NCKAP5L: variants seen among roughly 807,000 people sequenced by gnomAD.
NCKAP5L encodes the protein NCK associated protein 5 like.
NCKAP5L carries 54 observed loss-of-function variants against 103.2 expected under a neutral mutation model. The observed-to-expected ratio is 0.52, with a 90% confidence interval of 0.42 to 0.66. The LOEUF (loss-of-function observed/expected upper bound fraction) is 0.66. NCKAP5L is among the 30% of genes least tolerant of loss of function. NCKAP5L has a pLI of 0.00. For missense variants in NCKAP5L, 1,733 were observed against 1,750.6 expected (o/e 0.99, Z 0.18); for synonymous variants, 762 against 748.6 (o/e 1.02, Z -0.29).
intron 10 of NCKAP5L, among the ~76,000 whole-genome samples, 165 bp downstream of exon 10, chr12:49,793,187 G>A (rs928774618): frequency 1.1e-4 from 16 of 152,208 alleles, no homozygotes; most frequent in African/African-American, 3.9e-4. Flanking sequence ...TACCCTGAGG[G>A]CAGGGAAGGA....
intron 1 of NCKAP5L, among the ~76,000 whole-genome samples, chr12:49,818,023 G>A (rs556540944): frequency 1.3e-5 from 2 of 152,122 alleles, no homozygotes; most frequent in Admixed American, 1.3e-4. Context: ...CAGCTACTTG[G>A]GAGGCAGAGG....
chr12:49,804,932 T>A (rs1946163189), intron 2 of NCKAP5L: 1 of 152,294 alleles, frequency 6.6e-6, no homozygotes, highest in Admixed American at 6.5e-5. Flanking sequence ...AAGGTCCCGA[T>A]CCCTGGGCCT....
chr12:49,824,667 C>G (rs1946397206), intron 1 of NCKAP5L, among the ~76,000 whole-genome samples: 1 of 152,224 alleles, frequency 6.6e-6, no homozygotes, highest in Non-Finnish European at 1.5e-5. Flanking sequence ...AAGATGGAGG[C>G]ATTGCATATG....
intron 1 of NCKAP5L, among the ~76,000 whole-genome samples, chr12:49,818,870 C>T (rs1946329645): frequency 6.6e-6 from 1 of 151,966 alleles, no homozygotes; most frequent in Admixed American, 6.6e-5. Context: ...ATTAGTATAG[C>T]CACTATGGTA....
chr12:49,807,753 G>A (rs1305547544), intron 1 of NCKAP5L, among the ~76,000 whole-genome samples: 2 of 152,154 alleles, frequency 1.3e-5, no homozygotes, highest in African/African-American at 4.8e-5. Context: ...CACAACTCTG[G>A]TCTCTGGGCC....
At chr12:49,810,115 C>G (rs556563350) in intron 1 of NCKAP5L, among the ~76,000 whole-genome samples, 5 of 150,578 alleles carry the variant, frequency 3.3e-5, no homozygotes. Flanking sequence ...TCTCCCCTCC[C>G]TCAGAGCCCT....
chr12:49,798,028 C>T (rs1946077664), intron 7 of NCKAP5L, among the ~76,000 whole-genome samples: 1 of 152,168 alleles, frequency 6.6e-6, no homozygotes, highest in African/African-American at 2.4e-5. Context: ...TATTTGAGCT[C>T]TAAGCTGCTT....
rs752134695 is a variant in NCKAP5L, at chr12:49,796,854, C to G, written c.1006G>C (p.Glu336Gln). 25 of 1,612,818 alleles carry G rather than the reference C, an allele frequency of 1.6e-5. No homozygotes were observed. Among genetic ancestry groups the G allele is most frequent in the Non-Finnish European group, 2.1e-5 (25 of 1,179,752 alleles). ...GCCAGGAAGGCCTGTAGGTAAGACTCTGTGTCCTCAAGGAGCTGGCCCAGG... is the reference window on the plus strand; with the variant it reads ...GCCAGGAAGGCCTGTAGGTAAGACTGTGTGTCCTCAAGGAGCTGGCCCAGG... ...LNLGQLLEDT[E>Q]SYLQAFLAGA... Residue 336 changes from glutamate to glutamine, a missense_variant, in exon 8 of 13, where the codon GAG (glutamate) becomes CAG (glutamine). Transcript: ENST00000335999.
At chr12:49,802,058 G>A in intron 5 of NCKAP5L, 91 bp from the exon 6 acceptor site, 1 of 1,505,150 alleles carries the variant, frequency 6.6e-7, no homozygotes, top group Non-Finnish European at 9.0e-7. Context: ...GCATCTGTCT[G>A]GAGGCCCCAG....
chr12:49,798,258 G>C (rs1946080011), intron 7 of NCKAP5L, 92 bp downstream of exon 7: 2 of 1,218,868 alleles, frequency 1.6e-6, no homozygotes, highest in African/African-American at 1.5e-5. Context: ...TTCCAGCCTG[G>C]ACAAACGTCT....
intron 1 of NCKAP5L, among the ~76,000 whole-genome samples, chr12:49,820,880 CGTGACCCTAG>C (rs1395057677): frequency 1.3e-5 from 2 of 152,188 alleles, no homozygotes; most frequent in East Asian, 3.9e-4. Context: ...AGCCAAACCG[CGTGACCCTAG>C]GTGAAGCTGG....
At position 49,791,260 on chromosome 12, in the gene NCKAP5L, G is replaced by A. The variant is rs73309054; in HGVS notation, c.*579C>T. 7,804 of 153,564 alleles carry A rather than the reference G, an allele frequency of 0.051. 393 individuals carry two copies. The highest frequency in any genetic ancestry group is 0.13 in the African/African-American group (5,240 of 41,542). The allele number at this position is 153,564 out of a possible 1,614,324, so 9.5% of individuals were successfully genotyped here. A position where few individuals can be genotyped will look rare whatever the true frequency, so the allele number is the denominator to read the frequency against. On this transcript the variant is annotated 3_prime_UTR_variant, in exon 13 of 13. Coordinates refer to ENST00000335999, the MANE Select transcript of NCKAP5L (RefSeq NM_001037806.4). ...ACCGCAGTGCGGGGCTGGGGGCTGGGGGCTGGGCCAGGCGCTTCAATATAT... is the reference window on the plus strand; with the variant it reads ...ACCGCAGTGCGGGGCTGGGGGCTGGAGGCTGGGCCAGGCGCTTCAATATAT...
At position 49,794,773 on chromosome 12, in the gene NCKAP5L, CA is replaced by C. The variant is rs1807579351; in HGVS notation, c.3086del (p.Leu1029ArgfsTer2). 1 of 1,519,608 alleles carries C rather than the reference CA, an allele frequency of 6.6e-7. No homozygotes were observed. The allele number at this position is 1,519,608 out of a possible 1,614,324, so 94.1% of individuals were successfully genotyped here. On this transcript the variant is annotated frameshift_variant, in exon 8 of 13. Transcript: ENST00000335999. LOFTEE classifies it high-confidence loss of function. ...YQGADTFMQQ[L>X]LNRVDGKELP... Reference sequence around the variant, plus strand: ...TGATCCCAGGACCTCACCTGTTTAGCAGCTGCTGCATGAAGGTGTCTGCACC... The same window carrying C: ...TGATCCCAGGACCTCACCTGTTTAGCGCTGCTGCATGAAGGTGTCTGCACC...
At chr12:49,793,539 G>A (rs1227838859) in intron 9 of NCKAP5L, 106 bp from the exon 10 acceptor site, 7 of 1,316,064 alleles carry the variant, frequency 5.3e-6, no homozygotes, top group Non-Finnish European at 7.4e-6. Flanking sequence ...AGAGTATGAG[G>A]ATTAGGGCCC....
chr12:49,822,098 GAA>G (rs1295893444), intron 1 of NCKAP5L, among the ~76,000 whole-genome samples: 1 of 152,164 alleles, frequency 6.6e-6, no homozygotes, highest in African/African-American at 2.4e-5. Context: ...GTGCTCTTAT[GAA>G]AAGAGGCCTG....
At chr12:49,816,581 C>A (rs11612227) in intron 1 of NCKAP5L, among the ~76,000 whole-genome samples, 1 of 148,880 alleles carries the variant, frequency 6.7e-6, no homozygotes, top group Non-Finnish European at 1.5e-5. Context: ...GGGTGGATTA[C>A]GAGGTCAGGA....
At chr12:49,800,463 A>C (rs2137008885) in intron 6 of NCKAP5L, among the ~76,000 whole-genome samples, 2 of 152,318 alleles carry the variant, frequency 1.3e-5, no homozygotes, top group Middle Eastern at 6.8e-3. Context: ...GTAAGAGCTT[A>C]ATTGGCATTT....
chr12:49,812,289 C>G (rs900829842), intron 1 of NCKAP5L, among the ~76,000 whole-genome samples: 3 of 152,110 alleles, frequency 2.0e-5, no homozygotes, highest in Admixed American at 6.5e-5. Context: ...ATCATTGGTG[C>G]CTTTTACGAC....
rs1011324577 is a variant in NCKAP5L, at chr12:49,797,821, T to C, written c.466-427A>G. The stretch of plus-strand genomic sequence containing the variant: ...TGGCCAAGTCCTAAGTCAGTCACTA[T>C]AGGCAAACCCAGGCCTCCTCAGGGA... On this transcript the variant is annotated intron_variant, in intron 7 of 12. Coordinates refer to ENST00000335999, the MANE Select transcript of NCKAP5L (RefSeq NM_001037806.4). This position sits in a 1 kb window ranked among gnomAD's most constrained non-coding sequence, Gnocchi z 4.5. Among the ~76,000 whole-genome samples, 2 of 152,192 alleles carry C rather than the reference T, an allele frequency of 1.3e-5. No homozygotes were observed. Among genetic ancestry groups the C allele is most frequent in the African/African-American group, 2.4e-5 (1 of 41,454 alleles).
Sources: gnomAD v4.1 joint callset for allele counts (sites outside exome capture counted in the v4.1 genomes callset) on GRCh38, gnomAD v4.1.1 for gene constraint, Gnocchi (gnomAD v3.1) non-coding constraint, MANE v1.5 for transcripts, NCBI Gene and HGNC (gene_info 2026-07-23, HGNC 2026-07-21) for gene names.